Variants in ACACB observed in about 807,000 individuals in gnomAD.
ACACB encodes the protein acetyl-CoA carboxylase 2.
ACACB carries 209 observed loss-of-function variants against 278.8 expected under a neutral mutation model. The ratio of observed to expected loss-of-function variants is 0.75; its 90% confidence interval spans 0.67 to 0.84. The LOEUF (loss-of-function observed/expected upper bound fraction) is 0.84, where lower values mean the gene tolerates loss of function less well. Ranked by LOEUF, ACACB falls within the 40% of genes least tolerant of loss-of-function variation. The probability of loss-of-function intolerance (pLI) is 0.00; values close to 1 mark genes in which losing one functional copy is unlikely to be tolerated. For synonymous variants in ACACB, 1,174 were observed against 1,285.6 expected, an observed-to-expected ratio of 0.91 and a Z score of 1.86; for missense variants, 2,850 against 3,269.0, an observed-to-expected ratio of 0.87 and a Z score of 3.13.
In ACACB at chr12:109,252,116, AT is replaced by A; in HGVS notation, c.5863del (p.Ser1955ProfsTer103). 3.1e-6 allele frequency: 5 copies of A among 1,613,520 alleles called. No homozygotes were observed. Among genetic ancestry groups the A allele is most frequent in the Non-Finnish European group, 4.2e-6 (5 of 1,179,800 alleles). On this transcript the variant is annotated frameshift_variant, in exon 42 of 53. Coordinates refer to ENST00000338432, the MANE Select transcript of ACACB (RefSeq NM_001093.4). LOFTEE classifies it high-confidence loss of function. The stretch of plus-strand genomic sequence containing the variant: ...GGCCAGCGAGTGATCCAGGTGGAGA[AT>A]TCCCACATCATCCTCACAGGAGCAA... ...RLGQRVIQVE[N>X]SHIILTGASA...
intron 4 of ACACB, among the ~76,000 whole-genome samples, chr12:109,169,826 G>C (rs1387350112): frequency 6.6e-6 from 1 of 152,190 alleles, no homozygotes; most frequent in Non-Finnish European, 1.5e-5. Flanking sequence ...CAGGAAGCCT[G>C]TCTGGCCGCT....
At position 109,260,061 on chromosome 12, in the gene ACACB, G is replaced by A. The variant is rs753158976; in HGVS notation, c.6497-419G>A. The A allele has an allele frequency of 2.9e-6, 4 of 1,356,406 alleles. No homozygotes were observed. The African/African-American group carries it at 5.9e-5, about 20-fold the overall frequency. 84.0% of individuals were successfully genotyped at this position (1,356,406 alleles called of 1,614,324 possible). The stretch of plus-strand genomic sequence containing the variant: ...GTTATTATTGCATTCTTGTTTTCAT[G>A]TAGGGTGCCTGGGGACCTGGAGAGA... On this transcript the variant is annotated intron_variant, in intron 47 of 52. Coordinates refer to ENST00000338432, the MANE Select transcript of ACACB (RefSeq NM_001093.4).
intron 2 of ACACB, among the ~76,000 whole-genome samples, chr12:109,165,863 T>C (rs1239386304): frequency 6.6e-6 from 1 of 152,188 alleles, no homozygotes; most frequent in Non-Finnish European, 1.5e-5. Context: ...TGCATACACT[T>C]GTTGTTTAGG....
At chr12:109,200,383 G>A (rs1379115909) in intron 18 of ACACB, among the ~76,000 whole-genome samples, 2 of 151,982 alleles carry the variant, frequency 1.3e-5, no homozygotes, top group South Asian at 2.1e-4. Context: ...ACAGGGTTTC[G>A]TCATGCTGCT....
At chr12:109,181,769 A>G (rs2044479645) in intron 11 of ACACB, among the ~76,000 whole-genome samples, 1 of 151,650 alleles carries the variant, frequency 6.6e-6, no homozygotes, top group African/African-American at 2.4e-5. Context: ...CAGTCCTACC[A>G]ACAGTGTATG....
rs567264687 is a variant in ACACB, at chr12:109,236,671, T to G, written c.4447-494T>G. 2.6e-5 allele frequency among the ~76,000 whole-genome samples: 4 copies of G among 152,300 alleles called. No individual in the cohort carries two copies. In the South Asian group the frequency reaches 8.3e-4, roughly 32 times the overall value. On this transcript the variant is annotated intron_variant, in intron 33 of 52. Coordinates refer to ENST00000338432, the MANE Select transcript of ACACB (RefSeq NM_001093.4). The stretch of plus-strand genomic sequence containing the variant: ...GCACTGATTCAAGACCCCACCAAAT[T>G]CAGCATTTTGCATTTTAATTTATCC...
In ACACB at chr12:109,168,023, A is replaced by T. The variant is rs201630101; in HGVS notation, c.914A>T (p.Lys305Met). 2 of 1,609,082 alleles carry T rather than the reference A, an allele frequency of 1.2e-6. No homozygotes were observed. The highest frequency in any genetic ancestry group is 1.7e-6 in the Non-Finnish European group (2 of 1,177,142). ...GTGATGGTGACCCCCGAGGACCTTA[A>T]GGCCAACGCAGGTACCTGGGCCTTG... ...FVVMVTPEDLKANAEYIKMAD... is the reference protein window; with the variant it reads ...FVVMVTPEDLMANAEYIKMAD... The change falls in exon 4 of 53, where the codon AAG becomes ATG. Residue 305 changes from lysine (K) to methionine (M), a missense_variant. Physicochemically the swap from Lys to Met is moderately conservative, Grantham distance 95. This residue lies in a region of ACACB where 2,265 missense variants were observed against 2,561.3 expected (regional missense o/e 0.88). Coordinates refer to ENST00000338432, the MANE Select transcript of ACACB (RefSeq NM_001093.4).
chr12:109,175,971 A>G lies in ACACB; in HGVS notation c.1257A>G (p.Gly419=), dbSNP rs776354960. The G allele has an allele frequency of 6.2e-6, 10 of 1,614,128 alleles. No individual in the cohort carries two copies. In the South Asian group the frequency reaches 9.9e-5, roughly 16 times the overall value. ...VEWTEDDLQQ[G]KRISVPEDVY... ...GGACAGAAGATGATCTGCAGCAGGGAAAAAGAATCAGTGTCCCAGAAGATG... is the reference window on the plus strand; with the variant it reads ...GGACAGAAGATGATCTGCAGCAGGGGAAAAGAATCAGTGTCCCAGAAGATG... The change falls in exon 8 of 53, where the codon GGA becomes GGG. Residue 419 remains glycine, a synonymous_variant. Transcript: ENST00000338432.
intron 9 of ACACB, among the ~76,000 whole-genome samples, chr12:109,178,426 G>C (rs1055099233): frequency 2.8e-4 from 43 of 152,134 alleles, no homozygotes; most frequent in African/African-American, 1.0e-3. Context: ...AGTGTGTTTT[G>C]GTCCCATTTT....
intron 6 of ACACB, among the ~76,000 whole-genome samples, chr12:109,172,790 G>A (rs770326236): frequency 1.2e-4 from 18 of 152,138 alleles, no homozygotes; most frequent in Non-Finnish European, 1.2e-4. Flanking sequence ...TAGAACTACC[G>A]TTTAACCCAG....
chr12:109,200,426 C>G (rs1200315639), intron 18 of ACACB, among the ~76,000 whole-genome samples: 2 of 152,068 alleles, frequency 1.3e-5, no homozygotes, highest in Non-Finnish European at 2.9e-5. Context: ...TCAGGTGATC[C>G]ACCTGCTTTG....
At chr12:109,159,983 G>A (rs1409362832) in intron 2 of ACACB, among the ~76,000 whole-genome samples, 7 of 151,364 alleles carry the variant, frequency 4.6e-5, no homozygotes. Context: ...CCAGCTACTC[G>A]GGAGGCTGAG....
At chr12:109,238,420 ATATATAATATAT>A (rs1373848614) in intron 34 of ACACB, among the ~76,000 whole-genome samples, 2 of 138,280 alleles carry the variant, frequency 1.4e-5, no homozygotes, top group African/African-American at 5.3e-5. Flanking sequence ...ATATAATAAT[ATATATAATATAT>A]TATATAATAT....
At chr12:109,171,356 T>TC (rs1036437742) in intron 4 of ACACB, among the ~76,000 whole-genome samples, 9 of 151,774 alleles carry the variant, frequency 5.9e-5, no homozygotes, top group African/African-American at 1.9e-4. Context: ...TTTCTTTCTT[T>TC]TTTTTTTTTA....
chr12:109,236,628 C>T (rs2046639462), intron 33 of ACACB, among the ~76,000 whole-genome samples: 2 of 152,194 alleles, frequency 1.3e-5, no homozygotes, highest in Non-Finnish European at 2.9e-5. Context: ...TGTTGTAGAA[C>T]AGGTAGGTTT....
chr12:109,175,290 T>A (rs953725267), intron 7 of ACACB, among the ~76,000 whole-genome samples: 2 of 152,190 alleles, frequency 1.3e-5, no homozygotes, highest in African/African-American at 4.8e-5. Context: ...ATTTGTTAAA[T>A]CTTTGCATGG....
Position 109,252,089 on chromosome 12 carries a change from T to A in ACACB, c.5834T>A (p.Leu1945Gln), listed in dbSNP as rs747162842. The change falls in exon 42 of 53, where the codon CTG becomes CAG. Residue 1945 changes from leucine to glutamine, a missense_variant. Physicochemically the swap from Leu to Gln is moderately radical, Grantham distance 113. This residue lies in a region of ACACB where 579 missense variants were observed against 684.6 expected (regional missense o/e 0.85). Coordinates refer to ENST00000338432, the MANE Select transcript of ACACB (RefSeq NM_001093.4). ...GGGATTGGGGCCTACTTGGTGAGGC[T>A]GGGCCAGCGAGTGATCCAGGTGGAG... ...AIGIGAYLVR[L>Q]GQRVIQVENS... 1 of 1,613,708 alleles carries A rather than the reference T, an allele frequency of 6.2e-7. No individual in the cohort carries two copies. The highest frequency in any genetic ancestry group is 1.3e-5 in the African/African-American group (1 of 75,038).
intron 1 of ACACB, among the ~76,000 whole-genome samples, chr12:109,131,979 G>T (rs1252822118): frequency 6.6e-6 from 1 of 152,082 alleles, no homozygotes. Flanking sequence ...CCAGGTGTCT[G>T]TCTGTTTTTA....
At chr12:109,228,893 G>A (rs1356637047) in intron 28 of ACACB, among the ~76,000 whole-genome samples, 1 of 152,108 alleles carries the variant, frequency 6.6e-6, no homozygotes, top group Non-Finnish European at 1.5e-5. Flanking sequence ...CATGACTAAC[G>A]CTGTTATTAC....
Sources: allele counts gnomAD v4.1 joint callset (sites outside exome capture counted in the v4.1 genomes callset), GRCh38; gene constraint gnomAD v4.1.1; regional missense constraint gnomAD v4.1.1; transcripts MANE v1.5; gene names NCBI Gene and HGNC (gene_info 2026-07-23, HGNC 2026-07-21).